SORL1: variants seen among roughly 807,000 people sequenced by gnomAD.
SORL1 encodes sortilin related receptor 1.
In SORL1, 127 loss-of-function variants were observed where a neutral mutation model predicts 273.7. The ratio of observed to expected loss-of-function variants is 0.46; its 90% CI spans 0.40 to 0.54. The LOEUF is 0.54. Among genes scored for constraint, SORL1 ranks in the 20% least tolerant of loss-of-function variants. The pLI, the probability that SORL1 is intolerant of heterozygous loss-of-function variation, is 0.00. For synonymous variants in SORL1, 1,031 were observed against 1,067.4 expected (o/e 0.97, Z 0.66); for missense variants, 2,494 against 2,846.1 (o/e 0.88, Z 2.81).
At chr11:121,546,328 G>C (rs543336766) in intron 14 of SORL1, among the ~76,000 whole-genome samples, 1 of 150,688 alleles carries the variant, frequency 6.6e-6, no homozygotes, top group East Asian at 1.9e-4. Context: ...GAGCTTAGCT[G>C]TAGGAGCTTT....
chr11:121,550,060 G>A lies in SORL1; in HGVS notation c.2152G>A (p.Val718Met), dbSNP rs1465951414. The A allele has an allele frequency of 8.7e-6, 14 of 1,613,568 alleles. No individual in the cohort carries two copies. The highest frequency in any genetic ancestry group is 1.7e-4 in the Middle Eastern group (1 of 6,056). ...ATACTCCCCTCCTGTGCCTTGCCCT[G>A]TGGGTTCTACTTACAGGAGAACGAG... ...KSYSPPVPCP[V>M]GSTYRRTRGY... The change falls in exon 15 of 48, where the codon GTG becomes ATG. Residue 718 changes from valine (V) to methionine (M), a missense_variant. Physicochemically the swap from Val to Met is conservative, Grantham distance 21. Around this residue, in one of 3 missense-constraint regions of SORL1, gnomAD observed 710 missense variants for 882.5 expected, o/e 0.80. Coordinates refer to ENST00000260197, the MANE Select transcript of SORL1 (RefSeq NM_003105.6). The surrounding 1 kb of genome is among the most constrained non-coding windows in gnomAD (Gnocchi z 5.3).
chr11:121,527,414 G>T (rs765665534), intron 11 of SORL1, among the ~76,000 whole-genome samples: 1 of 151,898 alleles, frequency 6.6e-6, no homozygotes, highest in Non-Finnish European at 1.5e-5. Context: ...TTTTGTTAAA[G>T]ATTTTTGCAT....
intron 27 of SORL1, among the ~76,000 whole-genome samples, chr11:121,586,967 A>G (rs917693562): frequency 6.6e-6 from 1 of 152,170 alleles, no homozygotes; most frequent in African/African-American, 2.4e-5. Flanking sequence ...TTATCAGTGC[A>G]GGGAGTGGCA....
At chr11:121,621,779 A>G (rs1863726667) in intron 44 of SORL1, among the ~76,000 whole-genome samples, 1 of 152,234 alleles carries the variant, frequency 6.6e-6, no homozygotes, top group Non-Finnish European at 1.5e-5. Context: ...AGCCCCATTT[A>G]TGCTGGTGGC....
intron 1 of SORL1, among the ~76,000 whole-genome samples, chr11:121,458,777 G>C (rs1277725761): frequency 6.6e-6 from 1 of 152,232 alleles, no homozygotes; most frequent in Non-Finnish European, 1.5e-5. Flanking sequence ...ATCCAGAAAA[G>C]GCAGGGTGGG....
chr11:121,562,575 G>T (rs2134915305), intron 21 of SORL1, among the ~76,000 whole-genome samples: 1 of 152,314 alleles, frequency 6.6e-6, no homozygotes, highest in Non-Finnish European at 1.5e-5. Flanking sequence ...CGGCTCATTA[G>T]TCCCTTTAGG....
In SORL1 at chr11:121,455,515, G is replaced by A. The variant is rs146233341; in HGVS notation, c.285+2899G>A. Among the ~76,000 whole-genome samples the A allele has an allele frequency of 2.0e-4, 30 of 152,378 alleles. No homozygotes were observed. The East Asian group carries it at 5.8e-3, about 29-fold the overall frequency. On this transcript the variant is annotated intron_variant, in intron 1 of 47. Transcript: ENST00000260197. ...ATCTGAGAAAGAGCCCTGTGCTGGAGTCAATGTCGGTCCTTTTTCCTCTGC... is the reference window on the plus strand; with the variant it reads ...ATCTGAGAAAGAGCCCTGTGCTGGAATCAATGTCGGTCCTTTTTCCTCTGC...
intron 1 of SORL1, among the ~76,000 whole-genome samples, chr11:121,461,785 TTA>T (rs1861004411): frequency 6.6e-6 from 1 of 152,178 alleles, no homozygotes; most frequent in Non-Finnish European, 1.5e-5. Context: ...TTTTGTCATT[TTA>T]TATATGTCAT....
chr11:121,559,756 T>C, intron 21 of SORL1, 99 bp downstream of exon 21: 1 of 1,077,834 alleles, frequency 9.3e-7, no homozygotes, highest in Non-Finnish European at 1.4e-6. Context: ...GCAGCCTGCA[T>C]CTTTGTTGTC....
intron 32 of SORL1, among the ~76,000 whole-genome samples, chr11:121,600,852 C>T (rs1456266241): frequency 6.6e-6 from 1 of 152,118 alleles, no homozygotes; most frequent in African/African-American, 2.4e-5. Context: ...GAGTTAATGA[C>T]AACTTTATTC....
chr11:121,501,581 ACAAT>A (rs1861708382), intron 6 of SORL1, among the ~76,000 whole-genome samples: 1 of 152,236 alleles, frequency 6.6e-6, no homozygotes, highest in Non-Finnish European at 1.5e-5. Context: ...GAGAGGCCTC[ACAAT>A]CAAGGCGGAA....
intron 19 of SORL1, among the ~76,000 whole-genome samples, chr11:121,558,385 T>A (rs547596421): frequency 1.4e-4 from 21 of 152,362 alleles, no homozygotes; most frequent in African/African-American, 5.1e-4. Context: ...ATAATTTGAT[T>A]TTATCTATAG....
intron 16 of SORL1, 50 bp from the exon 17 acceptor site, chr11:121,553,887 C>G: frequency 6.4e-7 from 1 of 1,570,772 alleles, no homozygotes; most frequent in African/African-American, 1.3e-5. Context: ...GCTAGGACCT[C>G]TTCAGCATCC....
intron 18 of SORL1, among the ~76,000 whole-genome samples, chr11:121,556,563 G>A (rs976510786): frequency 2.0e-5 from 3 of 152,210 alleles, no homozygotes; most frequent in Non-Finnish European, 4.4e-5. Flanking sequence ...GAATGCAGGT[G>A]ATGCACAAGC....
chr11:121,618,190 G>C (rs552018779), intron 41 of SORL1, among the ~76,000 whole-genome samples: 1 of 152,174 alleles, frequency 6.6e-6, no homozygotes, highest in Non-Finnish European at 1.5e-5. Flanking sequence ...AGGGAGGTTC[G>C]CAGTTTAGAC....
chr11:121,604,963 G>A (rs909802221), intron 33 of SORL1, 150 bp from the exon 34 acceptor site: 6 of 514,324 alleles, frequency 1.2e-5, no homozygotes, highest in Non-Finnish European at 2.0e-5. Flanking sequence ...TAGAGACGGG[G>A]TTTAGCCACA....
intron 12 of SORL1, among the ~76,000 whole-genome samples, chr11:121,540,284 G>A (rs185130370): frequency 6.6e-6 from 1 of 152,040 alleles, no homozygotes; most frequent in African/African-American, 2.4e-5. Flanking sequence ...ATCTTCTTGA[G>A]AGTTTTTGGC....
rs1057297247 is a variant in SORL1, at chr11:121,571,026, C to G, written c.3337+756C>G. The stretch of plus-strand genomic sequence containing the variant: ...CACTCAACAAGCAGTTGCTATACAC[C>G]CTGTGTTCCAGGCTCTGTGCTGGGC... On this transcript the variant is annotated intron_variant, in intron 23 of 47. Coordinates refer to ENST00000260197, the MANE Select transcript of SORL1 (RefSeq NM_003105.6). 2.6e-5 allele frequency among the ~76,000 whole-genome samples: 4 copies of G among 152,214 alleles called. No individual in the cohort carries two copies. In the South Asian group the frequency reaches 6.2e-4, roughly 24 times the overall value.
At chr11:121,526,335 C>T (rs1862123862) in intron 11 of SORL1, among the ~76,000 whole-genome samples, 1 of 152,156 alleles carries the variant, frequency 6.6e-6, no homozygotes, top group Non-Finnish European at 1.5e-5. Flanking sequence ...TCTGTCTTTT[C>T]ACTAATACCA....
Sources: allele counts gnomAD v4.1 joint callset (sites outside exome capture counted in the v4.1 genomes callset), GRCh38; gene constraint gnomAD v4.1.1; regional missense constraint gnomAD v4.1.1; non-coding constraint Gnocchi (gnomAD v3.1); transcripts MANE v1.5; gene names NCBI Gene and HGNC (gene_info 2026-07-23, HGNC 2026-07-21).